Variants in SNX13 observed in about 807,000 individuals in gnomAD.
SNX13 encodes sorting nexin-13.
A neutral mutation model predicts 133.6 loss-of-function variants in SNX13; 45 were observed. That is an observed-to-expected ratio of 0.34 (90% CI 0.27 to 0.43). The LOEUF is 0.43. SNX13 is among the 20% of genes least tolerant of loss of function. The pLI, the probability that SNX13 is intolerant of heterozygous loss-of-function variation, is 1.00. For synonymous variants in SNX13, 414 were observed against 373.9 expected, an observed-to-expected ratio of 1.11 and a Z score of -1.24; for missense variants, 1,032 against 1,145.1, an observed-to-expected ratio of 0.90 and a Z score of 1.43.
intron 20 of SNX13, among the ~76,000 whole-genome samples, chr7:17,813,090 A>G (rs1170163357): frequency 6.6e-6 from 1 of 152,158 alleles, no homozygotes; most frequent in Non-Finnish European, 1.5e-5. Flanking sequence ...CATTCTGCAC[A>G]TGTATCCAAG....
intron 18 of SNX13, among the ~76,000 whole-genome samples, chr7:17,820,099 T>C (rs892209053): frequency 1.3e-5 from 2 of 152,190 alleles, no homozygotes; most frequent in South Asian, 4.1e-4. Flanking sequence ...CATTTGTCAA[T>C]ATGTAAAATA....
intron 9 of SNX13, among the ~76,000 whole-genome samples, chr7:17,857,357 G>C (rs959439957): frequency 1.3e-5 from 2 of 152,106 alleles, no homozygotes; most frequent in African/African-American, 2.4e-5. Context: ...AAAAATTAAA[G>C]AGGAAGGAAT....
chr7:17,899,303 T>A (rs1019912560), intron 1 of SNX13: 6 of 152,176 alleles, frequency 3.9e-5, no homozygotes, highest in African/African-American at 1.4e-4. Flanking sequence ...TTGGGTTAAA[T>A]CTGCTCAGTG....
At chr7:17,838,835 C>T (rs929923153) in intron 13 of SNX13, among the ~76,000 whole-genome samples, 4 of 151,754 alleles carry the variant, frequency 2.6e-5, no homozygotes, top group South Asian at 2.1e-4. Flanking sequence ...TAAATGGAGA[C>T]GGCTTTTATG....
chr7:17,801,017 T>C (rs1784561785), intron 22 of SNX13, among the ~76,000 whole-genome samples: 1 of 10,238 alleles, frequency 9.8e-5, no homozygotes, highest in East Asian at 0.014. Context: ...AACATATATA[T>C]ATATATATAT....
At chr7:17,803,247 T>C (rs1468280787) in intron 21 of SNX13, among the ~76,000 whole-genome samples, 172 bp downstream of exon 21, 1 of 152,236 alleles carries the variant, frequency 6.6e-6, no homozygotes, top group African/African-American at 2.4e-5. Flanking sequence ...ACTATACTCA[T>C]TTCTGGTAAG....
At chr7:17,878,830 C>G (rs568572009) in intron 5 of SNX13, among the ~76,000 whole-genome samples, 1 of 152,288 alleles carries the variant, frequency 6.6e-6, no homozygotes, top group East Asian at 1.9e-4. Context: ...GATTCACAGG[C>G]TTTCTTTCCA....
intron 1 of SNX13, among the ~76,000 whole-genome samples, chr7:17,917,660 GA>G (rs910078222): frequency 4.1e-4 from 59 of 145,064 alleles, no homozygotes; most frequent in Non-Finnish European, 5.6e-4. Context: ...ACACAAACAG[GA>G]AAAAAAAAAA....
At chr7:17,814,124 T>C (rs1786375575) in intron 20 of SNX13, among the ~76,000 whole-genome samples, 2 of 152,300 alleles carry the variant, frequency 1.3e-5, no homozygotes, top group African/African-American at 2.4e-5. Flanking sequence ...AGAGCAAACA[T>C]TTATTCAGAG....
rs1350709474 is a variant in SNX13, at chr7:17,814,781, A to G, written c.2064+53T>C. On this transcript the variant is annotated intron_variant, in intron 20 of 25. Transcript: ENST00000428135. ...AATTTATTTTCTTTTATTACAAACA[A>G]AGTAAGAAAACAGACCTAGAAAGAA... is the stretch of plus-strand genomic sequence containing the variant. 38 of 1,346,904 alleles carry G rather than the reference A, an allele frequency of 2.8e-5. No homozygotes were observed. The East Asian group carries it at 7.3e-4, about 26-fold the overall frequency. 83.4% of individuals were successfully genotyped at this position (1,346,904 alleles called of 1,614,324 possible).
chr7:17,927,051 G>A (rs1020943009), intron 1 of SNX13, among the ~76,000 whole-genome samples: 2 of 151,974 alleles, frequency 1.3e-5, no homozygotes, highest in Admixed American at 1.3e-4. Flanking sequence ...TTTCACCTAT[G>A]TAATAAGCAA....
Position 17,828,060 on chromosome 7 carries a change from A to G in SNX13, c.1635+1950T>C, listed in dbSNP as rs535122553. 1.9e-4 allele frequency among the ~76,000 whole-genome samples: 29 copies of G among 151,950 alleles called. No homozygotes were observed. In the South Asian group the frequency reaches 3.3e-3, roughly 17 times the overall value. On this transcript the variant is annotated intron_variant, in intron 16 of 25. Transcript: ENST00000428135. ...ATCTCTTTAAACATGTTAGCATCTC[A>G]TACTATGCAATCCAAAAGTTGTTAA...
intron 13 of SNX13, among the ~76,000 whole-genome samples, chr7:17,836,913 T>C (rs927875177): frequency 1.3e-5 from 2 of 152,038 alleles, no homozygotes; most frequent in African/African-American, 2.4e-5. Context: ...GACTTTTCTA[T>C]CGAGTCCATG....
At chr7:17,839,378 T>G (rs1427636355) in intron 13 of SNX13, among the ~76,000 whole-genome samples, 2 of 151,764 alleles carry the variant, frequency 1.3e-5, no homozygotes, top group Admixed American at 1.3e-4. Context: ...ACCGTTGAAT[T>G]GTCTCTCTTA....
chr7:17,896,864 C>T (rs186491376), intron 2 of SNX13, among the ~76,000 whole-genome samples: 1 of 152,118 alleles, frequency 6.6e-6, no homozygotes, highest in East Asian at 1.9e-4. Context: ...GAAGAGAAAA[C>T]TGCAAAATCA....
chr7:17,811,976 C>T (rs1312548774), intron 20 of SNX13, among the ~76,000 whole-genome samples: 1 of 152,126 alleles, frequency 6.6e-6, no homozygotes, highest in Non-Finnish European at 1.5e-5. Context: ...CCCTTCCTTA[C>T]ACCTTATACA....
At chr7:17,850,232 C>T in intron 11 of SNX13, 115 bp downstream of exon 11, 1 of 459,826 alleles carries the variant, frequency 2.2e-6, no homozygotes, top group Non-Finnish European at 3.6e-6. Context: ...TTTTAAAGTC[C>T]TCTTGTAAAG....
intron 7 of SNX13, among the ~76,000 whole-genome samples, chr7:17,874,704 A>G (rs1481155083): frequency 4.6e-5 from 7 of 152,206 alleles, no homozygotes; most frequent in South Asian, 2.1e-4. Context: ...ATATAATTGC[A>G]TAAGTGATCC....
Position 17,794,222 on chromosome 7 carries a change from C to A in SNX13, c.2697G>T (p.Gln899His). 1 of 1,611,626 alleles carries A rather than the reference C, an allele frequency of 6.2e-7. No individual in the cohort carries two copies. ...CCATTCTCCTATTTAATTGGTTGTG[C>A]TGAAACATTTCAAAAACACGAAGAA... ...KGILRVFEMF[Q>H]HNQLNRRMVY... Residue 899 changes from glutamine to histidine, a missense_variant, in exon 26 of 26, where the codon CAG becomes CAT. Transcript: ENST00000428135.
Sources: gnomAD v4.1 joint callset for allele counts (sites outside exome capture counted in the v4.1 genomes callset) on GRCh38, gnomAD v4.1.1 for gene constraint, MANE v1.5 for transcripts, NCBI Gene and HGNC (gene_info 2026-07-23, HGNC 2026-07-21) for gene names.